Variants in FMN2 observed in about 807,000 individuals in gnomAD.
The protein encoded by FMN2 is formin-2.
Under a neutral mutation model 142.3 loss-of-function variants are expected in FMN2, and 51 were observed. That is an observed-to-expected ratio of 0.36 (90% CI 0.29 to 0.45). The LOEUF (loss-of-function observed/expected upper bound fraction) is 0.45, where lower values mean the gene tolerates loss of function less well. FMN2 is among the 20% of genes least tolerant of loss of function. The pLI, the probability that FMN2 is intolerant of heterozygous loss-of-function variation, is 1.00. For synonymous variants in FMN2, 882 were observed against 869.8 expected, an observed-to-expected ratio of 1.01 and a Z score of -0.25; for missense variants, 1,936 against 2,122.8, an observed-to-expected ratio of 0.91 and a Z score of 1.73.
intron 11 of FMN2, among the ~76,000 whole-genome samples, chr1:240,332,634 A>T (rs894914909): frequency 1.3e-5 from 2 of 152,164 alleles, no homozygotes; most frequent in Admixed American, 6.6e-5. Flanking sequence ...AATAATCAAG[A>T]GGTAATCTAA....
chr1:240,352,397 T>C lies in FMN2; in HGVS notation c.4766-3419T>C, dbSNP rs534937032. Among the ~76,000 whole-genome samples, 5 of 152,122 alleles carry C rather than the reference T, an allele frequency of 3.3e-5. No individual in the cohort carries two copies. The East Asian group carries it at 7.8e-4, about 24-fold the overall frequency. ...AGGAGTTCAAGAACACCCTGGCCAA[T>C]GTGATGAAACCCTCTCTCTACTAAA... is the stretch of plus-strand genomic sequence containing the variant. On this transcript the variant is annotated intron_variant, in intron 13 of 17. Coordinates refer to ENST00000319653, the MANE Select transcript of FMN2 (RefSeq NM_020066.5).
At chr1:240,217,943 T>C (rs1666965656) in intron 6 of FMN2, among the ~76,000 whole-genome samples, 1 of 152,158 alleles carries the variant, frequency 6.6e-6, no homozygotes. Context: ...AATTTAATCA[T>C]AGTGTAGATA....
chr1:240,235,952 G>GT (rs954175462), intron 6 of FMN2: 7 of 152,078 alleles, frequency 4.6e-5, no homozygotes, highest in Admixed American at 4.6e-4. Flanking sequence ...TAAGTTTCTA[G>GT]TTTTTTAATA....
intron 2 of FMN2, among the ~76,000 whole-genome samples, chr1:240,168,912 A>T (rs2103306401): frequency 6.6e-6 from 1 of 152,200 alleles, no homozygotes; most frequent in East Asian, 1.9e-4. Flanking sequence ...CCTGAGATTA[A>T]AAAAAAGAAA....
intron 7 of FMN2, among the ~76,000 whole-genome samples, chr1:240,293,352 T>C (rs1175972690): frequency 1.3e-5 from 2 of 152,144 alleles, no homozygotes. Context: ...TCTTATCATG[T>C]AGAGAATTAC....
intron 16 of FMN2, among the ~76,000 whole-genome samples, chr1:240,465,972 G>A (rs533762407): frequency 1.3e-5 from 2 of 152,260 alleles, no homozygotes; most frequent in African/African-American, 2.4e-5. Context: ...CAATAAATGG[G>A]TCTGGGGTTA....
chr1:240,300,644 TA>T (rs1670166216), intron 8 of FMN2, among the ~76,000 whole-genome samples: 1 of 152,196 alleles, frequency 6.6e-6, no homozygotes, highest in African/African-American at 2.4e-5. Context: ...ATATATAACT[TA>T]CCTTCTTTTA....
intron 6 of FMN2, among the ~76,000 whole-genome samples, chr1:240,235,401 TTTAA>T (rs1352604408): frequency 6.8e-6 from 1 of 148,080 alleles, no homozygotes; most frequent in East Asian, 2.0e-4. Context: ...TTTTAAATAA[TTTAA>T]TTAATTTTTT....
chr1:240,392,024 A>G (rs1673620821), intron 14 of FMN2, among the ~76,000 whole-genome samples: 1 of 152,000 alleles, frequency 6.6e-6, no homozygotes, highest in African/African-American at 2.4e-5. Flanking sequence ...ACAGACCATG[A>G]TCTGTTCACC....
At position 240,173,840 on chromosome 1, in the gene FMN2, A is replaced by G. The variant is rs182857262; in HGVS notation, c.1783-4081A>G. 3.3e-5 allele frequency among the ~76,000 whole-genome samples: 5 copies of G among 152,238 alleles called. No individual in the cohort carries two copies. The East Asian group carries it at 9.7e-4, about 29-fold the overall frequency. ...TGACCAGATACTTTTGTTTGTTTAT[A>G]TGAGGTTTTATAGAGTGCTTTTAGC... On this transcript the variant is annotated intron_variant, in intron 2 of 17. Transcript: ENST00000319653.
intron 7 of FMN2, among the ~76,000 whole-genome samples, chr1:240,265,979 T>C (rs1668784114): frequency 6.8e-6 from 1 of 147,908 alleles, no homozygotes; most frequent in Non-Finnish European, 1.5e-5. Flanking sequence ...TCTTTGTCCA[T>C]GGGACAAAAG....
At chr1:240,309,459 G>T (rs548216827) in intron 8 of FMN2, among the ~76,000 whole-genome samples, 1 of 152,324 alleles carries the variant, frequency 6.6e-6, no homozygotes, top group South Asian at 2.1e-4. Context: ...GCACAGGCAA[G>T]CCTTGGCTGG....
chr1:240,276,662 AT>A (rs1260824328), intron 7 of FMN2, among the ~76,000 whole-genome samples: 1 of 151,988 alleles, frequency 6.6e-6, no homozygotes, highest in Admixed American at 6.6e-5. Context: ...ATGACACCCC[AT>A]TTGCCACCAT....
At chr1:240,385,530 T>C (rs1192722296) in intron 14 of FMN2, among the ~76,000 whole-genome samples, 1 of 152,206 alleles carries the variant, frequency 6.6e-6, no homozygotes, top group African/African-American at 2.4e-5. Context: ...TGATTTGATA[T>C]AAAAATTTAG....
chr1:240,417,800 C>T (rs756213783), intron 15 of FMN2, among the ~76,000 whole-genome samples: 8 of 152,078 alleles, frequency 5.3e-5, no homozygotes, highest in South Asian at 4.1e-4. Flanking sequence ...ATTTATTTAT[C>T]GTAAATTTCA....
intron 6 of FMN2, among the ~76,000 whole-genome samples, chr1:240,226,992 A>G (rs1667331521): frequency 6.6e-6 from 1 of 152,314 alleles, no homozygotes; most frequent in South Asian, 2.1e-4. Flanking sequence ...TAGAAGTTCT[A>G]GTCAAGGCAA....
chr1:240,143,317 ACAGCCCTCCGGAGTGCAGG>A, intron 2 of FMN2: 1 of 1,511,740 alleles, frequency 6.6e-7, no homozygotes, highest in East Asian at 2.3e-5. Flanking sequence ...TGCTAAAGGT[ACAGCCCTCCGGAGTGCAGG>A]CTCCCCATAT....
intron 8 of FMN2, among the ~76,000 whole-genome samples, chr1:240,311,954 T>C (rs1047589405): frequency 2.6e-5 from 4 of 152,186 alleles, no homozygotes; most frequent in Non-Finnish European, 5.9e-5. Flanking sequence ...CCCTCTCAAA[T>C]AGCTGGAACT....
chr1:240,275,127 A>G (rs1343604413), intron 7 of FMN2, among the ~76,000 whole-genome samples: 1 of 148,986 alleles, frequency 6.7e-6, no homozygotes, highest in Non-Finnish European at 1.5e-5. Flanking sequence ...TCTGGGATAC[A>G]TGTGCAGAAC....
Sources: gnomAD v4.1 joint callset for allele counts (sites outside exome capture counted in the v4.1 genomes callset) on GRCh38, gnomAD v4.1.1 for gene constraint, MANE v1.5 for transcripts, NCBI Gene and HGNC (gene_info 2026-07-23, HGNC 2026-07-21) for gene names.